SPATA3: variants seen among roughly 807,000 people sequenced by gnomAD.
SPATA3 encodes spermatogenesis associated 3, also known as spermatogenesis-associated protein 3.
In SPATA3, 6 loss-of-function variants were observed where a neutral mutation model predicts 5.7. The ratio of observed to expected loss-of-function variants is 1.06; its 90% CI spans 0.58 to 2.09. The LOEUF (loss-of-function observed/expected upper bound fraction) is 2.09. SPATA3 is among the 30% of genes most tolerant of loss of function. SPATA3 has a pLI of 0.00. For missense variants in SPATA3, 155 were observed against 130.4 expected (o/e 1.19, Z -0.92); for synonymous variants, 44 against 48.4 (o/e 0.91, Z 0.37).
downstream of SPATA3, among the ~76,000 whole-genome samples, chr2:231,007,797 G>A (rs977364888): frequency 6.6e-5 from 10 of 152,202 alleles, no homozygotes; most frequent in African/African-American, 1.9e-4. Context: ...CAGGCGACTC[G>A]AAATCTTAGT....
At chr2:231,001,530 ACAC>A (rs1202449669) in intron 2 of SPATA3, among the ~76,000 whole-genome samples, 11 of 152,250 alleles carry the variant, frequency 7.2e-5, no homozygotes, top group African/African-American at 2.6e-4. Context: ...TGTGGGGAGA[ACAC>A]GCTTGGAGCC....
chr2:231,001,001 A>G (rs1692333531), intron 2 of SPATA3, among the ~76,000 whole-genome samples: 1 of 152,192 alleles, frequency 6.6e-6, no homozygotes, highest in African/African-American at 2.4e-5. Flanking sequence ...ATGATAAAAA[A>G]CTACTTGTAA....
downstream of SPATA3, among the ~76,000 whole-genome samples, chr2:231,006,059 G>T (rs1287222841): frequency 6.6e-6 from 1 of 151,786 alleles, no homozygotes; most frequent in African/African-American, 2.4e-5. Context: ...GCCAGGCATG[G>T]TCGTACACAC....
chr2:231,011,521 C>T (rs1692788081), downstream of SPATA3, among the ~76,000 whole-genome samples: 1 of 152,216 alleles, frequency 6.6e-6, no homozygotes, highest in South Asian at 2.1e-4. Flanking sequence ...GTCCACTGTG[C>T]CAGGGACACA....
chr2:231,011,089 AG>A (rs374600428), downstream of SPATA3, among the ~76,000 whole-genome samples: 6,281 of 143,840 alleles, frequency 0.044, 495 homozygotes, highest in Middle Eastern at 0.12. Context: ...AAAAAAAAAA[AG>A]AAAAGAAAAA....
chr2:231,000,293 T>G, intron 1 of SPATA3, 73 bp from the exon 2 acceptor site: 1 of 1,327,604 alleles, frequency 7.5e-7, no homozygotes. Context: ...CTTCTCAGAC[T>G]GTGTTCCAGA....
At chr2:231,005,321 ATCACCATCATCAC>A, downstream of SPATA3, among the ~76,000 whole-genome samples, 1 of 133,662 alleles carries the variant, frequency 7.5e-6, no homozygotes, top group Non-Finnish European at 1.6e-5. Flanking sequence ...CACCATCATC[ATCACCATCATCAC>A]CATCACCATC....
At chr2:231,010,257 G>T (rs1024295973), downstream of SPATA3, among the ~76,000 whole-genome samples, 3 of 152,266 alleles carry the variant, frequency 2.0e-5, no homozygotes, top group African/African-American at 7.2e-5. Flanking sequence ...AGAGGAAATT[G>T]TCTTCATGCT....
intron 6 of SPATA3, among the ~76,000 whole-genome samples, chr2:231,018,347 T>A (rs1422283406): frequency 6.6e-6 from 1 of 152,172 alleles, no homozygotes; most frequent in East Asian, 1.9e-4. Flanking sequence ...AGCCTTCATC[T>A]GCATAATAAG....
chr2:231,019,790 A>G (rs1047203359), exon 7 of SPATA3: 1 of 150,870 alleles, frequency 6.6e-6, no homozygotes, highest in African/African-American at 2.4e-5. Flanking sequence ...AGAACAAGCC[A>G]TCTGATGCCT....
intron 6 of SPATA3, among the ~76,000 whole-genome samples, chr2:231,019,290 A>G (rs751535472): frequency 1.2e-4 from 17 of 143,314 alleles, no homozygotes; most frequent in Non-Finnish European, 2.1e-4. Context: ...TTTTTTAACT[A>G]TTCTCCTACT....
chr2:231,006,644 G>A, downstream of SPATA3: 1 of 152,412 alleles, frequency 6.6e-6, no homozygotes, highest in Non-Finnish European at 1.5e-5. Context: ...GTGCATCGTG[G>A]GGGTACATTA....
intron 6 of SPATA3, among the ~76,000 whole-genome samples, chr2:231,015,379 G>A (rs532278415): frequency 1.7e-4 from 25 of 147,888 alleles, no homozygotes; most frequent in East Asian, 1.1e-3. Context: ...ACCATGGCCC[G>A]CCAGGACCTA....
chr2:231,005,115 TCACCACCACCATCATCATCAC>T (rs1559197308), downstream of SPATA3, among the ~76,000 whole-genome samples: 176 of 71,610 alleles, frequency 2.5e-3, 1 homozygote, highest in Non-Finnish European at 4.1e-3. Flanking sequence ...ATCACCATCA[TCACCACCACCATCATCATCAC>T]CACCACCACC....
chr2:230,996,123 C>T (rs2271369), intron 1 of SPATA3: 804,555 of 1,194,288 alleles, frequency 0.67, 274,333 homozygotes, highest in African/African-American at 0.92. Context: ...CTGGGTCCAG[C>T]TGGAGGCCCA....
intron 1 of SPATA3, among the ~76,000 whole-genome samples, chr2:230,998,622 G>A (rs1028168866): frequency 2.0e-5 from 3 of 152,324 alleles, no homozygotes; most frequent in East Asian, 3.9e-4. Context: ...CAAGTAAAGC[G>A]TGCCATTTTC....
intron 6 of SPATA3, among the ~76,000 whole-genome samples, chr2:231,018,459 GAAACTTC>G (rs199676364): frequency 0.28 from 43,003 of 151,656 alleles, 6,297 homozygotes; most frequent in Admixed American, 0.35. Flanking sequence ...ATATGGTATA[GAAACTTC>G]AGCCATTTGG....
At chr2:230,996,625 C>T (rs2125089393) in intron 1 of SPATA3, 91 bp downstream of exon 1, 3 of 1,444,160 alleles carry the variant, frequency 2.1e-6, no homozygotes, top group East Asian at 2.5e-5. Context: ...GATAGTGATG[C>T]ATGGTTAACG....
intron 6 of SPATA3, among the ~76,000 whole-genome samples, chr2:231,014,903 CCTTCTCAAGGCTCTCT>C (rs1345987837): frequency 1.3e-5 from 2 of 152,186 alleles, no homozygotes; most frequent in African/African-American, 4.8e-5. Context: ...AGGTGCCCTT[CCTTCTCAAGGCTCTCT>C]CTGCCTCTTC....
Sources: gnomAD v4.1 joint callset for allele counts (sites outside exome capture counted in the v4.1 genomes callset) on GRCh38, gnomAD v4.1.1 for gene constraint, MANE v1.5 for transcripts, NCBI Gene and HGNC (gene_info 2026-07-23, HGNC 2026-07-21) for gene names.